Variants in RALGAPA1 observed in about 807,000 individuals in gnomAD.
RALGAPA1 encodes ral GTPase-activating protein subunit alpha-1.
Under a neutral mutation model 269.6 loss-of-function variants are expected in RALGAPA1, and 52 were observed. The observed-to-expected ratio is 0.19, with a 90% confidence interval of 0.15 to 0.24. The LOEUF (loss-of-function observed/expected upper bound fraction) is 0.24. Ranked by LOEUF, RALGAPA1 falls within the 10% of genes least tolerant of loss-of-function variation. The pLI is 1.00. For synonymous variants in RALGAPA1, 817 were observed against 1,008.3 expected (o/e 0.81, Z 3.60); for missense variants, 1,917 against 3,013.9 (o/e 0.64, Z 8.52).
chr14:35,796,082 G>A (rs900960346), intron 1 of RALGAPA1, among the ~76,000 whole-genome samples: 3 of 152,130 alleles, frequency 2.0e-5, no homozygotes, highest in African/African-American at 7.2e-5. Flanking sequence ...AAGAAAAGAG[G>A]ATGATCAATT....
At chr14:35,645,346 G>GGGGTGT (rs71445953) in intron 31 of RALGAPA1, among the ~76,000 whole-genome samples, 7 of 129,560 alleles carry the variant, frequency 5.4e-5, no homozygotes, top group Admixed American at 3.1e-4. Flanking sequence ...TATAGAGATG[G>GGGGTGT]GTGTGTGTGT....
At chr14:35,589,738 T>C (rs894046388) in intron 37 of RALGAPA1, among the ~76,000 whole-genome samples, 3 of 152,166 alleles carry the variant, frequency 2.0e-5, no homozygotes, top group Non-Finnish European at 4.4e-5. Flanking sequence ...TTTCACTCTG[T>C]CACTGAGGCT....
At chr14:35,540,948 G>A (rs947354078) in intron 41 of RALGAPA1, among the ~76,000 whole-genome samples, 4 of 149,262 alleles carry the variant, frequency 2.7e-5, no homozygotes, top group African/African-American at 9.9e-5. Flanking sequence ...GTTACTGAAT[G>A]TTTATAAACA....
intron 1 of RALGAPA1, among the ~76,000 whole-genome samples, chr14:35,791,249 C>G (rs2076147497): frequency 1.3e-5 from 2 of 152,176 alleles, no homozygotes; most frequent in South Asian, 4.2e-4. Flanking sequence ...ACAAGGAGAT[C>G]TGCATCTTCA....
At chr14:35,731,739 G>A (rs542866990) in intron 12 of RALGAPA1, among the ~76,000 whole-genome samples, 2 of 152,284 alleles carry the variant, frequency 1.3e-5, no homozygotes, top group Admixed American at 1.3e-4. Flanking sequence ...CTGGGATTAT[G>A]TTAAACAACC....
At chr14:35,805,758 C>T (rs950579813) in intron 1 of RALGAPA1, among the ~76,000 whole-genome samples, 18 of 150,464 alleles carry the variant, frequency 1.2e-4, no homozygotes, top group African/African-American at 4.4e-4. Context: ...GATCTCGACT[C>T]ACCACAACCT....
rs888053165 is a variant in RALGAPA1 at position 35,627,118 on chromosome 14, T to A, written c.6829A>T (p.Ile2277Leu). ...TTGTCCCAGGAATTCATTCCCAATA[T>A]ACTAAGAAGCAATCTGCAATAATAA... ...AFYYCRLLLS[I>L]LGMNSWDKRR... Residue 2277 changes from isoleucine to leucine, a missense_variant, in exon 34 of 42, where the codon ATA becomes TTA. Around this residue, in one of 11 missense-constraint regions of RALGAPA1, gnomAD observed 132 missense variants for 271.2 expected, o/e 0.49. Transcript: ENST00000680220. The A allele has an allele frequency of 5.1e-6, 8 of 1,554,036 alleles. No homozygotes were observed. Among genetic ancestry groups the A allele is most frequent in the Middle Eastern group, 1.7e-4 (1 of 5,760 alleles).
Position 35,572,694 on chromosome 14 carries a change from C to A in RALGAPA1, c.7234G>T (p.Val2412Leu), listed in dbSNP as rs2057297778. The change falls in exon 38 of 42, where the codon GTG becomes TTG. Residue 2412 changes from valine to leucine, a missense_variant. Physicochemically the swap from Val to Leu is conservative, Grantham distance 32 (BLOSUM62 1). This residue lies in a region of RALGAPA1 where 6 missense variants were observed against 35.2 expected (regional missense o/e 0.17). Coordinates refer to ENST00000680220, the MANE Select transcript of RALGAPA1 (RefSeq NM_001346249.2). ...GTATGCTCTGACCAAACAATGTGCA[C>A]TTCATCATTTCCCAAATGTCTCAAC... ...KKLRHLGNDEVHIVWSEHTRD... is the reference protein window; with the variant it reads ...KKLRHLGNDELHIVWSEHTRD... 3.1e-6 allele frequency: 5 copies of A among 1,595,356 alleles called. No individual in the cohort carries two copies. Among genetic ancestry groups the A allele is most frequent in the African/African-American group, 2.7e-5 (2 of 73,904 alleles).
intron 21 of RALGAPA1, chr14:35,683,535 T>A (rs1005181884): frequency 3.5e-5 from 8 of 230,384 alleles, no homozygotes; most frequent in Middle Eastern, 1.6e-3. Context: ...CCCATTAAAA[T>A]TTTTTTTTAA....
intron 9 of RALGAPA1, 86 bp downstream of exon 9, chr14:35,750,396 C>T (rs1029730021): frequency 9.6e-6 from 8 of 832,612 alleles, no homozygotes; most frequent in African/African-American, 5.2e-5. Context: ...TTTAAGTGTA[C>T]GCTCCACCTA....
chr14:35,741,986 A>T (rs2141157782), intron 11 of RALGAPA1, among the ~76,000 whole-genome samples: 2 of 152,342 alleles, frequency 1.3e-5, no homozygotes, highest in South Asian at 4.1e-4. Context: ...CCACTCCTAA[A>T]TAGTTACTCC....
At chr14:35,637,929 A>G (rs2061764325) in intron 31 of RALGAPA1, among the ~76,000 whole-genome samples, 1 of 152,198 alleles carries the variant, frequency 6.6e-6, no homozygotes, top group Non-Finnish European at 1.5e-5. Flanking sequence ...TTAAAGTGCT[A>G]AAGGAAAAAA....
chr14:35,700,330 G>A, intron 16 of RALGAPA1, 28 bp from the exon 17 acceptor site: 2 of 1,479,412 alleles, frequency 1.4e-6, no homozygotes, highest in Admixed American at 2.6e-5. Context: ...AAAGAAGTGG[G>A]GAAGGAAAAA....
At chr14:35,755,294 C>A (rs11845702) in intron 7 of RALGAPA1, among the ~76,000 whole-genome samples, 52,876 of 151,896 alleles carry the variant, frequency 0.35, 12,689 homozygotes, top group African/African-American at 0.67. Context: ...TTGAGGCTGC[C>A]GTAAGCCATA....
At chr14:35,771,697 G>A (rs2074638208) in intron 3 of RALGAPA1, among the ~76,000 whole-genome samples, 1 of 151,774 alleles carries the variant, frequency 6.6e-6, no homozygotes, top group Non-Finnish European at 1.5e-5. Context: ...GTCTTGCTAT[G>A]TTGCACAGGC....
In RALGAPA1 at chr14:35,748,747, G is replaced by A. The variant is rs548326202; in HGVS notation, c.1089C>T (p.Pro363=). ...TGCTTGTATTGGAATGAGACTGTTC[G>A]GGTTCTGTAGTTCTGTCTGTTTTAT... ...NADKTDRTTE[P]EQSHSNTSTL... is the part of the protein sequence containing the mutation. The change falls in exon 10 of 42, where the codon CCC becomes CCT. Residue 363 remains proline (P), a synonymous_variant. Transcript: ENST00000680220. 7 of 1,612,706 alleles carry A rather than the reference G, an allele frequency of 4.3e-6. No individual in the cohort carries two copies. Among genetic ancestry groups the A allele is most frequent in the East Asian group, 2.2e-5 (1 of 44,820 alleles).
intron 35 of RALGAPA1, among the ~76,000 whole-genome samples, chr14:35,606,017 T>C (rs766250321): frequency 7.9e-5 from 12 of 152,164 alleles, no homozygotes; most frequent in Non-Finnish European, 1.0e-4. Flanking sequence ...GAAGGACACA[T>C]AGGTGTGAAT....
chr14:35,779,898 C>T (rs576836042), intron 1 of RALGAPA1, among the ~76,000 whole-genome samples: 6 of 152,138 alleles, frequency 3.9e-5, no homozygotes, highest in South Asian at 2.1e-4. Context: ...CTGAGGTGGG[C>T]GGATCATGAG....
chr14:35,558,031 C>G (rs1330442787), intron 39 of RALGAPA1, among the ~76,000 whole-genome samples: 1 of 151,836 alleles, frequency 6.6e-6, no homozygotes, highest in Non-Finnish European at 1.5e-5. Context: ...CAACTGCTTG[C>G]TGATAAAGCT....
Sources: gnomAD v4.1 joint callset for allele counts (sites outside exome capture counted in the v4.1 genomes callset) on GRCh38, gnomAD v4.1.1 for gene constraint, gnomAD v4.1.1 regional missense constraint, MANE v1.5 for transcripts, NCBI Gene and HGNC (gene_info 2026-07-23, HGNC 2026-07-21) for gene names.